The following NRAP variants were observed in gnomAD, a reference collection of about 807,000 sequenced individuals.
The protein encoded by NRAP is nebulin-related-anchoring protein.
In NRAP, 189 loss-of-function variants were observed where a neutral mutation model predicts 225.9. That is an observed-to-expected ratio of 0.84 (90% CI 0.74 to 0.94). The LOEUF (loss-of-function observed/expected upper bound fraction) is 0.94. Ranked by LOEUF, NRAP falls within the 40% of genes least tolerant of loss-of-function variation. The pLI, the probability that NRAP is intolerant of heterozygous loss-of-function variation, is 0.00. For synonymous variants in NRAP, 769 were observed against 790.7 expected, an observed-to-expected ratio of 0.97 and a Z score of 0.46; for missense variants, 2,176 against 2,168.7, an observed-to-expected ratio of 1.00 and a Z score of -0.07.
At chr10:113,589,842 G>T in intron 40 of NRAP, 45 bp from the exon 41 acceptor site, 1 of 1,600,954 alleles carries the variant, frequency 6.2e-7, no homozygotes, top group Non-Finnish European at 8.5e-7. Context: ...AGCAGGGTTT[G>T]GAGCGGTTTG....
Position 113,650,525 on chromosome 10 carries a change from A to T in NRAP, c.696T>A (p.Tyr232Ter). The change falls in exon 8 of 42, where the codon TAT (tyrosine) becomes TAA (stop). Residue 232 changes from tyrosine to a stop codon, truncating the protein, a stop_gained. Coordinates refer to ENST00000359988, the MANE Select transcript of NRAP (RefSeq NM_198060.4). LOFTEE classifies it high-confidence loss of function. ...LQSDVRYTEDYEQQRGKGSFP... is the reference protein window; with the variant it reads ...LQSDVRYTED ...AACTGCCTTTCCCTCTTTGTTGTTC[A>T]TAGTCCTCTGTGTATCTCACCTGAA... is the stretch of plus-strand genomic sequence containing the variant. 2 of 1,612,902 alleles carry T rather than the reference A, an allele frequency of 1.2e-6. No homozygotes were observed. Among genetic ancestry groups the T allele is most frequent in the Non-Finnish European group, 1.7e-6 (2 of 1,178,934 alleles).
At position 113,633,140 on chromosome 10, in the gene NRAP, G is replaced by T. The variant is rs893817042; in HGVS notation, c.1576C>A (p.Pro526Thr). Residue 526 changes from proline (P) to threonine (T), a missense_variant, in exon 16 of 42, where the codon CCC becomes ACC. This residue lies in a region of NRAP where 1,708 missense variants were observed against 1,695.5 expected (regional missense o/e 1.01). Transcript: ENST00000359988. ...TTCACCAGCTGAGGAACATCCTGGG[G>T]CAATGTGTAATTCAACTTATTTTTC... is the stretch of plus-strand genomic sequence containing the variant. ...YEKNKLNYTL[P>T]QDVPQLVKAK... The T allele has an allele frequency of 4.3e-5, 69 of 1,610,060 alleles. No homozygotes were observed. The highest frequency in any genetic ancestry group is 5.8e-5 in the Non-Finnish European group (68 of 1,176,402).
chr10:113,610,693 C>T (rs1847274604), intron 30 of NRAP, 130 bp from the exon 31 acceptor site: 2 of 601,238 alleles, frequency 3.3e-6, no homozygotes, highest in Non-Finnish European at 5.9e-6. Context: ...TGAACCCGTC[C>T]CTCCGGATAT....
chr10:113,652,816 G>T, intron 6 of NRAP, 119 bp downstream of exon 6: 1 of 689,590 alleles, frequency 1.5e-6, no homozygotes, highest in Non-Finnish European at 2.6e-6. Context: ...TCTGTAATAT[G>T]ACACTAATGG....
At chr10:113,612,639 C>T (rs1301270714) in intron 29 of NRAP, among the ~76,000 whole-genome samples, 3 of 152,160 alleles carry the variant, frequency 2.0e-5, no homozygotes, top group African/African-American at 7.2e-5. Context: ...TCCTGGAGGT[C>T]ATTGATCTGG....
chr10:113,620,686 T>C lies in NRAP; in HGVS notation c.2792A>G (p.Lys931Arg). 6.2e-7 allele frequency: 1 copy of C among 1,612,262 alleles called. No homozygotes were observed. The highest frequency in any genetic ancestry group is 2.2e-5 in the East Asian group (1 of 44,860). Residue 931 changes from lysine (K) to arginine (R), a missense_variant, in exon 25 of 42, where the codon AAG (lysine) becomes AGG (arginine). By Grantham distance (26) the Lys-to-Arg change is conservative. Transcript: ENST00000359988. Reference sequence around the variant, plus strand: ...GACCCAGCCCATGCCTTTCATCCACTTCACATCTGCCCTGTATTGGTTCTG... The same window carrying C: ...GACCCAGCCCATGCCTTTCATCCACCTCACATCTGCCCTGTATTGGTTCTG... ...QSDNQYRADV[K>R]WMKGMGWVAT...
At chr10:113,639,190 G>A (rs1349159519) in intron 14 of NRAP, among the ~76,000 whole-genome samples, 1 of 151,012 alleles carries the variant, frequency 6.6e-6, no homozygotes, top group East Asian at 1.9e-4. Flanking sequence ...CTGAGAAAAA[G>A]AGAAGCAAAG....
chr10:113,631,644 G>C (rs775324265), intron 17 of NRAP, 34 bp from the exon 18 acceptor site: 1 of 1,423,690 alleles, frequency 7.0e-7, no homozygotes, highest in East Asian at 2.3e-5. Flanking sequence ...CTGTGAGTGA[G>C]AGAGAAACTT....
intron 16 of NRAP, 33 bp from the exon 17 acceptor site, chr10:113,631,997 G>T: frequency 7.6e-7 from 1 of 1,324,498 alleles, no homozygotes; most frequent in Non-Finnish European, 1.1e-6. Context: ...AATAGGAGTT[G>T]CTACCCATAT....
At chr10:113,622,255 G>A in intron 23 of NRAP, 75 bp from the exon 24 acceptor site, 1 of 1,011,434 alleles carries the variant, frequency 9.9e-7, no homozygotes, top group Non-Finnish European at 1.5e-6. Context: ...TCCATGCATG[G>A]GAGCTGAAAC....
rs2286737 is a variant in NRAP, at chr10:113,629,508, G to A, written c.2040+80C>T. 289,727 of 996,266 alleles carry A rather than the reference G, an allele frequency of 0.29. 43,268 individuals are homozygous for A. The highest frequency in any genetic ancestry group is 0.42 in the Admixed American group (23,381 of 55,794). The allele number at this position is 996,266 out of a possible 1,614,324, so 61.7% of individuals were successfully genotyped here. A position where few individuals can be genotyped will look rare whatever the true frequency, so the allele number is the denominator to read the frequency against. On this transcript the variant is annotated intron_variant, in intron 19 of 41. Transcript: ENST00000359988. ...GTCTTCCAAGTTATGTAATAGACTC[G>A]TGCACAGGTTTGAAATCACTCTGAA...
At chr10:113,602,171 C>G (rs1387995817) in intron 35 of NRAP, among the ~76,000 whole-genome samples, 1 of 152,232 alleles carries the variant, frequency 6.6e-6, no homozygotes, top group East Asian at 1.9e-4. Flanking sequence ...AGCCACCACA[C>G]CCGGCCCCTT....
In NRAP at chr10:113,610,613, C is replaced by T. The variant is rs772048772; in HGVS notation, c.3499-50G>A. 3 of 1,219,462 alleles carry T rather than the reference C, an allele frequency of 2.5e-6. No individual in the cohort carries two copies. The South Asian group carries it at 3.7e-5, about 15-fold the overall frequency. 75.5% of individuals were successfully genotyped at this position (1,219,462 alleles called of 1,614,324 possible). A position where few individuals can be genotyped will look rare whatever the true frequency, so the allele number is the denominator to read the frequency against. On this transcript the variant is annotated intron_variant, in intron 30 of 41. Coordinates refer to ENST00000359988, the MANE Select transcript of NRAP (RefSeq NM_198060.4). ...AATCAGAAAAGCCAAGCTCTCAGAA[C>T]AGGGAAGCAAAGCAAAACCAGAGGT...
chr10:113,589,675 C>G lies in NRAP; in HGVS notation c.5079G>C (p.Gln1693His). Reference protein sequence around the residue: ...ELANARGLGLQGAYRGAEAVE... With the variant: ...ELANARGLGLHGAYRGAEAVE... ...GCAGCTTGCTACTCACGTAAGCTCC[C>G]TGGAGACCCAGGCCCCTTGCGTTGG... Residue 1693 changes from glutamine to histidine, a missense_variant, in exon 41 of 42, where the codon CAG (glutamine) becomes CAC (histidine). Physicochemically the swap from Gln to His is conservative, Grantham distance 24 (BLOSUM62 0). This residue lies in a region of NRAP where 445 missense variants were observed against 426.1 expected (regional missense o/e 1.04). Transcript: ENST00000359988. The G allele has an allele frequency of 6.2e-7, 1 of 1,614,060 alleles. No individual in the cohort carries two copies. The highest frequency in any genetic ancestry group is 8.5e-7 in the Non-Finnish European group (1 of 1,180,012).
intron 4 of NRAP, among the ~76,000 whole-genome samples, chr10:113,654,750 A>G (rs1285783764): frequency 6.6e-6 from 1 of 152,214 alleles, no homozygotes. Context: ...CAATTAGTAG[A>G]GGCCAAGGGA....
chr10:113,590,377 A>T (rs369290792), intron 40 of NRAP, among the ~76,000 whole-genome samples: 2 of 152,304 alleles, frequency 1.3e-5, no homozygotes, highest in South Asian at 2.1e-4. Flanking sequence ...AAAGCATTTG[A>T]CACAGAGCCT....
chr10:113,595,144 A>G (rs930939300), intron 38 of NRAP, among the ~76,000 whole-genome samples: 8 of 152,202 alleles, frequency 5.3e-5, no homozygotes, highest in Non-Finnish European at 1.2e-4. Flanking sequence ...CCACAGTCCC[A>G]TGCACAAAGG....
intron 11 of NRAP, among the ~76,000 whole-genome samples, chr10:113,644,262 G>A (rs1849376024): frequency 6.7e-6 from 1 of 149,928 alleles, no homozygotes; most frequent in African/African-American, 2.4e-5. Flanking sequence ...CTACCACCCA[G>A]AATTAGATAC....
At chr10:113,601,337 T>C (rs567461163) in intron 35 of NRAP, among the ~76,000 whole-genome samples, 25 of 152,378 alleles carry the variant, frequency 1.6e-4, no homozygotes, top group African/African-American at 5.8e-4. Flanking sequence ...GGCTGCTCCC[T>C]TGACGTAATG....
Sources: gnomAD v4.1 joint callset for allele counts (sites outside exome capture counted in the v4.1 genomes callset) on GRCh38, gnomAD v4.1.1 for gene constraint, gnomAD v4.1.1 regional missense constraint, MANE v1.5 for transcripts, NCBI Gene and HGNC (gene_info 2026-07-23, HGNC 2026-07-21) for gene names.